Variants in NELL1 observed in about 807,000 individuals in gnomAD.
NELL1 encodes the protein neural EGFL like 1, also known as protein kinase C-binding protein NELL1.
NELL1 carries 76 observed loss-of-function variants against 107.4 expected under a neutral mutation model. The observed-to-expected ratio is 0.71, with a 90% CI of 0.59 to 0.86. NELL1 has a LOEUF of 0.86. Ranked by LOEUF, NELL1 falls within the 40% of genes least tolerant of loss-of-function variation. The pLI is 0.00. For synonymous variants in NELL1, 353 were observed against 341.2 expected (o/e 1.03, Z -0.38); for missense variants, 1,024 against 1,005.5 (o/e 1.02, Z -0.25).
chr11:21,432,218 T>C (rs1350771268), intron 15 of NELL1, among the ~76,000 whole-genome samples: 3 of 152,146 alleles, frequency 2.0e-5, no homozygotes, highest in African/African-American at 7.2e-5. Context: ...TACTGATTGA[T>C]TTTTTGACTT....
chr11:21,488,297 T>TA (rs949049894), intron 15 of NELL1, among the ~76,000 whole-genome samples: 22 of 145,986 alleles, frequency 1.5e-4, no homozygotes, highest in South Asian at 2.2e-4. Flanking sequence ...CTCAACCAAT[T>TA]AAAAAAAAAA....
chr11:21,333,826 T>C (rs1850324746), intron 14 of NELL1, among the ~76,000 whole-genome samples: 1 of 152,074 alleles, frequency 6.6e-6, no homozygotes, highest in Non-Finnish European at 1.5e-5. Flanking sequence ...TCACACAAAA[T>C]TGGCTCTTTT....
intron 10 of NELL1, among the ~76,000 whole-genome samples, chr11:20,943,126 G>T (rs1288155326): frequency 3.3e-5 from 5 of 151,748 alleles, no homozygotes. Flanking sequence ...GGTAGTGTGT[G>T]TGTGCATGTG....
In NELL1 at chr11:21,291,974, C is replaced by T. The variant is rs563234438; in HGVS notation, c.1549+62520C>T. 4.8e-4 allele frequency among the ~76,000 whole-genome samples: 73 copies of T among 152,144 alleles called. No individual in the cohort carries two copies. In the South Asian group the frequency reaches 7.1e-3, roughly 15 times the overall value. On this transcript the variant is annotated intron_variant, in intron 14 of 19. Transcript: ENST00000357134. ...GACAAACCCACAGCCAATATCATAC[C>T]GAATGGGTAAAAGCCGGAAGCATTC...
At chr11:21,403,738 T>C (rs186057460) in intron 15 of NELL1, among the ~76,000 whole-genome samples, 2,120 of 142,096 alleles carry the variant, frequency 0.015, 83 homozygotes, top group African/African-American at 0.051. Flanking sequence ...TCAAGAATGT[T>C]ATCAGAAAAA....
chr11:21,243,712 T>A (rs1298490385), intron 14 of NELL1, among the ~76,000 whole-genome samples: 3 of 152,076 alleles, frequency 2.0e-5, no homozygotes, highest in Admixed American at 1.3e-4. Context: ...GAAGCTGCCA[T>A]AAGAAAGATA....
At position 21,442,935 on chromosome 11, in the gene NELL1, A is replaced by C. The variant is rs983320377; in HGVS notation, c.1645+71987A>C. Among the ~76,000 whole-genome samples, 51 of 98,008 alleles carry C rather than the reference A, an allele frequency of 5.2e-4. No individual in the cohort carries two copies. In the South Asian group the frequency reaches 8.6e-3, roughly 16 times the overall value. 64.3% of individuals were successfully genotyped at this position (98,008 alleles called of 152,430 possible). ...TTCCTTGTAAATGGAAATGTTTGCT[A>C]TCTTTCCTTTTTTTTTTTTTTTTTT... On this transcript the variant is annotated intron_variant, in intron 15 of 19. Transcript: ENST00000357134.
chr11:21,545,482 C>T (rs184530232), intron 16 of NELL1, among the ~76,000 whole-genome samples: 1 of 151,992 alleles, frequency 6.6e-6, no homozygotes, highest in East Asian at 2.0e-4. Context: ...GGGTAATACA[C>T]AAGGAAAAGA....
chr11:21,019,727 A>G (rs917618822), intron 12 of NELL1, among the ~76,000 whole-genome samples: 2 of 152,000 alleles, frequency 1.3e-5, no homozygotes, highest in African/African-American at 2.4e-5. Flanking sequence ...TTGAGACACA[A>G]TGATGTATCT....
intron 13 of NELL1, among the ~76,000 whole-genome samples, chr11:21,216,547 C>T (rs189534370): frequency 2.2e-4 from 33 of 152,328 alleles, no homozygotes; most frequent in South Asian, 4.1e-4. Flanking sequence ...TGCTCAACAC[C>T]ATGGCAGCCC....
At chr11:20,909,002 A>G (rs562803990) in intron 5 of NELL1, among the ~76,000 whole-genome samples, 117 of 152,342 alleles carry the variant, frequency 7.7e-4, no homozygotes, top group African/African-American at 2.4e-3. Flanking sequence ...ATCCATAAGA[A>G]AGGAATGAAG....
intron 10 of NELL1, among the ~76,000 whole-genome samples, chr11:20,942,089 A>G (rs1850867161): frequency 6.6e-6 from 1 of 152,252 alleles, no homozygotes; most frequent in African/African-American, 2.4e-5. Context: ...TTAAAGATTG[A>G]AAAGAATGAG....
chr11:20,813,419 C>T lies in NELL1; in HGVS notation c.335+29589C>T, dbSNP rs556445399. On this transcript the variant is annotated intron_variant, in intron 3 of 19. Coordinates refer to ENST00000357134, the MANE Select transcript of NELL1 (RefSeq NM_006157.5). Reference sequence around the variant, plus strand: ...TCATTGTAGGTTTAGCAGAATTGGCCCTGTAGAAATAGTTAGTAGATATAC... The same window carrying T: ...TCATTGTAGGTTTAGCAGAATTGGCTCTGTAGAAATAGTTAGTAGATATAC... Among the ~76,000 whole-genome samples, 368 of 152,026 alleles carry T rather than the reference C, an allele frequency of 2.4e-3. 3 individuals are homozygous for T. Among genetic ancestry groups the T allele is most frequent in the African/African-American group, 8.6e-3 (357 of 41,446 alleles).
At chr11:21,015,032 A>C (rs1027385757) in intron 12 of NELL1, among the ~76,000 whole-genome samples, 2 of 151,994 alleles carry the variant, frequency 1.3e-5, no homozygotes, top group African/African-American at 4.8e-5. Flanking sequence ...AACTTTGTTC[A>C]TTTTTTTAGA....
intron 12 of NELL1, among the ~76,000 whole-genome samples, chr11:21,027,465 G>C (rs1852842433): frequency 6.6e-6 from 1 of 152,064 alleles, no homozygotes; most frequent in Non-Finnish European, 1.5e-5. Context: ...CAAGCTGCCA[G>C]AATAAACAAA....
chr11:21,565,725 T>C (rs1008563492), intron 17 of NELL1, among the ~76,000 whole-genome samples: 1 of 151,964 alleles, frequency 6.6e-6, no homozygotes, highest in Non-Finnish European at 1.5e-5. Flanking sequence ...TAAGTTTCTG[T>C]TTTGTTATTA....
rs543207316 is a variant in NELL1, at chr11:20,827,945, G to T, written c.336-19638G>T. Among the ~76,000 whole-genome samples the T allele has an allele frequency of 1.2e-4, 18 of 151,346 alleles. 2 individuals carry two copies. Among genetic ancestry groups the T allele is most frequent in the Admixed American group, 1.1e-3 (17 of 15,066 alleles). On this transcript the variant is annotated intron_variant, in intron 3 of 19. Coordinates refer to ENST00000357134, the MANE Select transcript of NELL1 (RefSeq NM_006157.5). The stretch of plus-strand genomic sequence containing the variant: ...TCCCAAAGGGAGACTGCTAACCGCT[G>T]TTGACTCTATGCTACCTACTCCCAA...
At chr11:20,890,970 G>C (rs1386556716) in intron 5 of NELL1, among the ~76,000 whole-genome samples, 1 of 152,090 alleles carries the variant, frequency 6.6e-6, no homozygotes, top group African/African-American at 2.4e-5. Context: ...CCCCATCCTA[G>C]CAAGACAGGC....
chr11:21,179,862 C>CTTTTTTTTTTTTTTTTTTT lies in NELL1; in HGVS notation c.1427-49463_1427-49445dup, dbSNP rs1164420669. Among the ~76,000 whole-genome samples, 3 of 75,710 alleles carry CTTTTTTTTTTTTTTTTTTT rather than the reference C, an allele frequency of 4.0e-5. 1 individual carries two copies. The highest frequency in any genetic ancestry group is 3.9e-4 in the Admixed American group (2 of 5,128). 49.7% of individuals were successfully genotyped at this position (75,710 alleles called of 152,430 possible). A position where few individuals can be genotyped will look rare whatever the true frequency, so the allele number is the denominator to read the frequency against. Reference sequence around the variant, plus strand: ...AAGGTTTAGGACAGAAATCAACACACTTTTTTTTTTTTTTTTTTTTTTTTT... The same window carrying CTTTTTTTTTTTTTTTTTTT: ...AAGGTTTAGGACAGAAATCAACACACTTTTTTTTTTTTTTTTTTTTTTTTTTTTTTTTTTTTTTTTTTTT... On this transcript the variant is annotated intron_variant, in intron 13 of 19. Coordinates refer to ENST00000357134, the MANE Select transcript of NELL1 (RefSeq NM_006157.5).
Sources: allele counts gnomAD v4.1 joint callset (sites outside exome capture counted in the v4.1 genomes callset), GRCh38; gene constraint gnomAD v4.1.1; transcripts MANE v1.5; gene names NCBI Gene and HGNC (gene_info 2026-07-23, HGNC 2026-07-21).